NCOR2: variants seen among roughly 807,000 people sequenced by gnomAD.
NCOR2 encodes the protein CTG repeat protein 26.
A neutral mutation model predicts 262.9 loss-of-function variants in NCOR2; 81 were observed. The ratio of observed to expected loss-of-function variants is 0.31; its 90% CI spans 0.26 to 0.37. The LOEUF (loss-of-function observed/expected upper bound fraction) is 0.37. Among genes scored for constraint, NCOR2 ranks in the 10% least tolerant of loss-of-function variants. The pLI, the probability that NCOR2 is intolerant of heterozygous loss-of-function variation, is 1.00. For synonymous variants in NCOR2, 1,659 were observed against 1,559.3 expected (o/e 1.06, Z -1.51); for missense variants, 3,385 against 3,621.4 (o/e 0.93, Z 1.68).
At chr12:124,430,395 G>A (rs891233169) in intron 9 of NCOR2, among the ~76,000 whole-genome samples, 2 of 152,210 alleles carry the variant, frequency 1.3e-5, no homozygotes, top group African/African-American at 2.4e-5. Context: ...TATGGCACAT[G>A]GGAAGAAGTG....
chr12:124,567,061 C>T (rs1369899952), intron 1 of NCOR2, among the ~76,000 whole-genome samples: 1 of 149,754 alleles, frequency 6.7e-6, no homozygotes, highest in East Asian at 2.0e-4. Flanking sequence ...AACGCCACTT[C>T]CCTCCTTCCC....
At chr12:124,348,042 G>T in intron 29 of NCOR2, 131 bp from the exon 32 acceptor site, 1 of 1,477,746 alleles carries the variant, frequency 6.8e-7, no homozygotes, top group Non-Finnish European at 9.2e-7. Flanking sequence ...AGCACGGGAA[G>T]GTCCCTGCGC....
chr12:124,446,469 GC>G (rs1270449892), intron 7 of NCOR2, among the ~76,000 whole-genome samples: 2 of 151,942 alleles, frequency 1.3e-5, no homozygotes, highest in Non-Finnish European at 2.9e-5. Context: ...CCTCTCCCTT[GC>G]CTACCTCCTT....
At chr12:124,561,459 C>T (rs1202427816) in intron 1 of NCOR2, among the ~76,000 whole-genome samples, 1 of 152,210 alleles carries the variant, frequency 6.6e-6, no homozygotes, top group Non-Finnish European at 1.5e-5. Context: ...ATACCCAATG[C>T]CCCACGTGGC....
At chr12:124,479,509 ACGCACATGCG>A (rs1169792909) in intron 3 of NCOR2, among the ~76,000 whole-genome samples, 112 of 149,746 alleles carry the variant, frequency 7.5e-4, no homozygotes, top group African/African-American at 2.5e-3. Context: ...GCGCATACAC[ACGCACATGCG>A]CGCACACGCA....
chr12:124,436,867 C>T (rs984899395), intron 8 of NCOR2, among the ~76,000 whole-genome samples: 8 of 152,184 alleles, frequency 5.3e-5, no homozygotes, highest in Admixed American at 1.3e-4. Context: ...GCGGGTGCAT[C>T]ACCTGAGGTC....
chr12:124,558,858 C>T (rs1363144853), intron 1 of NCOR2, among the ~76,000 whole-genome samples: 3 of 152,158 alleles, frequency 2.0e-5, no homozygotes, highest in African/African-American at 7.2e-5. Context: ...CTCATCACCC[C>T]ATTTCACCGC....
At chr12:124,421,941 G>A (rs575141053) in intron 12 of NCOR2, among the ~76,000 whole-genome samples, 3 of 152,360 alleles carry the variant, frequency 2.0e-5, no homozygotes, top group South Asian at 2.1e-4. Flanking sequence ...TGGGCTTTAG[G>A]CCTCAGGTCC....
chr12:124,340,079 G>C, exon 37 of NCOR2: 2 of 1,613,038 alleles, frequency 1.2e-6, no homozygotes, highest in Middle Eastern at 3.3e-4. Context: ...AGCACACTGG[G>C]TCTCTGCTGG....
intron 1 of NCOR2, among the ~76,000 whole-genome samples, chr12:124,532,064 G>A (rs2050822128): frequency 6.6e-6 from 1 of 152,090 alleles, no homozygotes; most frequent in African/African-American, 2.4e-5. Context: ...ATGCCACATC[G>A]CCTCCCTGTA....
At chr12:124,431,392 ACAGACAGATACACAGG>A in intron 8 of NCOR2, among the ~76,000 whole-genome samples, 1 of 151,392 alleles carries the variant, frequency 6.6e-6, no homozygotes, top group East Asian at 2.0e-4. Context: ...TGGCAGACAC[ACAGACAGATACACAGG>A]CAGACAGACA....
intron 1 of NCOR2, among the ~76,000 whole-genome samples, chr12:124,555,566 A>G (rs1026777123): frequency 3.9e-5 from 6 of 152,240 alleles, no homozygotes; most frequent in African/African-American, 1.4e-4. Flanking sequence ...AGATGCGGAA[A>G]CGAGCACAAA....
rs762554549 is a variant in NCOR2, at chr12:124,486,501, A to T, written c.173T>A (p.Ile58Asn). ...GGGCCTCCGCCGCTGGGGCTGGATG[A>T]TGGAGCCGGGCGACAGGTGGGAGGC... The change falls in exon 2 of 47, where the codon ATC becomes AAC. Residue 58 changes from isoleucine to asparagine, a missense_variant. Coordinates refer to ENST00000405201, the Ensembl canonical transcript of NCOR2. The T allele has an allele frequency of 3.3e-5, 53 of 1,609,728 alleles. No homozygotes were observed. In the East Asian group the frequency reaches 1.2e-3, roughly 36 times the overall value.
chr12:124,333,228 A>G, exon 42 of NCOR2: 1 of 1,612,918 alleles, frequency 6.2e-7, no homozygotes, highest in South Asian at 1.1e-5. Flanking sequence ...ACACAGGTTC[A>G]ATACCGTCCT....
At chr12:124,461,193 C>T (rs1790425782) in intron 5 of NCOR2, among the ~76,000 whole-genome samples, 2 of 152,186 alleles carry the variant, frequency 1.3e-5, no homozygotes, top group Admixed American at 6.5e-5. Context: ...CGTCCTCCCA[C>T]GTTCCTGGCC....
Position 124,372,009 on chromosome 12 carries a change from G to A in NCOR2, c.2807+13C>T, listed in dbSNP as rs898764307. 2.1e-5 allele frequency: 33 copies of A among 1,574,078 alleles called. No individual in the cohort carries two copies. The highest frequency in any genetic ancestry group is 2.7e-5 in the Non-Finnish European group (31 of 1,161,718). On this transcript the variant is annotated intron_variant, in intron 20 of 46. Coordinates refer to ENST00000405201, the Ensembl canonical transcript of NCOR2. ...ACAAAAGCCAAGGTTAGGGCTGCCT[G>A]GCGCCCACTCACCGGTTCTTGTCGC... is the stretch of plus-strand genomic sequence containing the variant.
upstream of NCOR2, chr12:124,495,402 G>C (rs2048325850): frequency 4.2e-6 from 6 of 1,413,766 alleles, no homozygotes; most frequent in African/African-American, 4.3e-5. The surrounding 1 kb of genome is among the most constrained non-coding windows in gnomAD (Gnocchi z 4.4). Context: ...AACAAGATCA[G>C]CCACGGGGCA....
At chr12:124,431,218 TCAGA>T (rs564059851) in intron 8 of NCOR2, among the ~76,000 whole-genome samples, 147 of 134,850 alleles carry the variant, frequency 1.1e-3, no homozygotes, top group South Asian at 2.3e-3. Flanking sequence ...ACACATACAG[TCAGA>T]CAGATATACA....
At chr12:124,371,612 G>A (rs1004943988) in intron 20 of NCOR2, among the ~76,000 whole-genome samples, 2 of 152,190 alleles carry the variant, frequency 1.3e-5, no homozygotes, top group Non-Finnish European at 2.9e-5. Context: ...GGATGGATCT[G>A]CCCAGAGGCT....
Sources: allele counts gnomAD v4.1 joint callset (sites outside exome capture counted in the v4.1 genomes callset), GRCh38; gene constraint gnomAD v4.1.1; non-coding constraint Gnocchi (gnomAD v3.1); transcripts MANE v1.5; gene names NCBI Gene and HGNC (gene_info 2026-07-23, HGNC 2026-07-21).